Variants in C1orf105 observed in about 807,000 individuals in gnomAD.
C1orf105 encodes the protein uncharacterized protein C1orf105.
In C1orf105, 17 loss-of-function variants were observed where a neutral mutation model predicts 20.8. The ratio of observed to expected loss-of-function variants is 0.82; its 90% CI spans 0.56 to 1.23. C1orf105 has a LOEUF of 1.23. C1orf105 is among the 50% of genes most tolerant of loss of function. The pLI is 0.00. For synonymous variants in C1orf105, 72 were observed against 72.1 expected (o/e 1.00, Z 0.01); for missense variants, 219 against 213.5 (o/e 1.03, Z -0.16).
chr1:172,443,059 A>C (rs1442643013), intron 1 of C1orf105: 2 of 171,718 alleles, frequency 1.2e-5, no homozygotes, highest in Non-Finnish European at 2.8e-5. Flanking sequence ...TAAGTGCCTT[A>C]TGTATCTTCT....
chr1:172,431,333 CAGAT>C (rs2071868145), intron 1 of C1orf105: 1 of 390,890 alleles, frequency 2.6e-6, no homozygotes, highest in Non-Finnish European at 4.5e-6. Flanking sequence ...ACTGTTAATA[CAGAT>C]AAAGTTATAG....
intron 1 of C1orf105, among the ~76,000 whole-genome samples, chr1:172,436,351 G>C (rs1235169417): frequency 6.6e-6 from 1 of 152,158 alleles, no homozygotes; most frequent in Non-Finnish European, 1.5e-5. Context: ...ATACTACAAG[G>C]CTACAGTAAG....
At position 172,441,660 on chromosome 1, in the gene C1orf105, C is replaced by CT. The variant is rs147497247; in HGVS notation, c.22-3410dup. The stretch of plus-strand genomic sequence containing the variant: ...TGCTGCTTCCAGAATGGAACTCTGT[C>CT]TTTAAGTTCTATACTAGTTAGGAGG... On this transcript the variant is annotated intron_variant, in intron 1 of 6. Coordinates refer to ENST00000367727, the MANE Select transcript of C1orf105 (RefSeq NM_139240.4). 478 of 1,312,198 alleles carry CT rather than the reference C, an allele frequency of 3.6e-4. 3 individuals carry two copies. The African/African-American group carries it at 6.5e-3, about 18-fold the overall frequency. 81.3% of individuals were successfully genotyped at this position (1,312,198 alleles called of 1,614,324 possible).
At chr1:172,460,156 A>G (rs1397309692) in intron 4 of C1orf105, among the ~76,000 whole-genome samples, 1 of 152,162 alleles carries the variant, frequency 6.6e-6, no homozygotes, top group East Asian at 1.9e-4. Flanking sequence ...TATACTAAAA[A>G]CTACTAAATT....
chr1:172,450,303 G>A (rs899863019), intron 3 of C1orf105, among the ~76,000 whole-genome samples: 2 of 152,184 alleles, frequency 1.3e-5, no homozygotes, highest in African/African-American at 4.8e-5. Flanking sequence ...CCTGCAGATT[G>A]AAACACAAGT....
chr1:172,467,596 C>T (rs1338085751), intron 6 of C1orf105, among the ~76,000 whole-genome samples: 1 of 152,162 alleles, frequency 6.6e-6, no homozygotes. Context: ...TGTCTGGGTT[C>T]TGGTTCTTAG....
At chr1:172,461,746 G>A (rs1485366105) in intron 4 of C1orf105, among the ~76,000 whole-genome samples, 3 of 152,180 alleles carry the variant, frequency 2.0e-5, no homozygotes, top group African/African-American at 7.2e-5. Context: ...TCATGAAGCT[G>A]AAAGTCTATT....
intron 1 of C1orf105, among the ~76,000 whole-genome samples, chr1:172,435,269 C>G (rs950841742): frequency 1.1e-4 from 16 of 152,148 alleles, no homozygotes; most frequent in African/African-American, 3.9e-4. Flanking sequence ...CATCCTGATA[C>G]CAAAGCCTGG....
At chr1:172,429,249 CACACACAG>C (rs1454030218) in intron 1 of C1orf105, among the ~76,000 whole-genome samples, 49 of 110,070 alleles carry the variant, frequency 4.5e-4, no homozygotes, top group Admixed American at 3.4e-3. Context: ...CACACACACA[CACACACAG>C]ACACACACAC....
At chr1:172,454,491 G>A (rs1424356139) in intron 3 of C1orf105, among the ~76,000 whole-genome samples, 2 of 151,912 alleles carry the variant, frequency 1.3e-5, no homozygotes, top group Non-Finnish European at 2.9e-5. Flanking sequence ...TCAGCCCAAA[G>A]CAGAGGAGTC....
intron 3 of C1orf105, 46 bp from the exon 4 acceptor site, chr1:172,456,369 A>G (rs200710564): frequency 1.0e-4 from 156 of 1,532,088 alleles, no homozygotes; most frequent in African/African-American, 3.9e-4. Context: ...GCTGCCCTAC[A>G]TGCCCCACCA....
intron 3 of C1orf105, among the ~76,000 whole-genome samples, chr1:172,455,153 G>A (rs182103520): frequency 6.6e-6 from 1 of 152,268 alleles, no homozygotes; most frequent in Admixed American, 6.5e-5. Flanking sequence ...AAAATGAAGT[G>A]TATTTTAAAT....
At position 172,461,639 on chromosome 1, in the gene C1orf105, G is replaced by A. The variant is rs540958417; in HGVS notation, c.274-539G>A. The stretch of plus-strand genomic sequence containing the variant: ...TTTAAAATTTCCAGTGTGCTTCAAG[G>A]TGGGTTCATTCATTCACTAATTTGA... On this transcript the variant is annotated intron_variant, in intron 4 of 6. Transcript: ENST00000367727. Among the ~76,000 whole-genome samples the A allele has an allele frequency of 2.6e-5, 4 of 152,276 alleles. No individual in the cohort carries two copies. In the South Asian group the frequency reaches 8.3e-4, roughly 32 times the overall value.
intron 3 of C1orf105, among the ~76,000 whole-genome samples, chr1:172,451,719 T>C (rs1342523345): frequency 6.6e-6 from 1 of 152,144 alleles, no homozygotes; most frequent in Non-Finnish European, 1.5e-5. Context: ...TTTAAGTATA[T>C]TCAGCTTTAT....
chr1:172,436,028 T>C (rs1404213949), intron 1 of C1orf105, among the ~76,000 whole-genome samples: 1 of 152,116 alleles, frequency 6.6e-6, no homozygotes, highest in Non-Finnish European at 1.5e-5. Flanking sequence ...GAATCCAACT[T>C]ACAAAGGATG....
At chr1:172,442,657 T>C in intron 1 of C1orf105, 3 of 1,568,054 alleles carry the variant, frequency 1.9e-6, no homozygotes, top group South Asian at 1.1e-5. Context: ...AGTTTAATCA[T>C]CGCCCTCACA....
In C1orf105 at chr1:172,421,007, C is replaced by A; in HGVS notation, c.21+101C>A. On this transcript the variant is annotated intron_variant, in intron 1 of 6. Coordinates refer to ENST00000367727, the MANE Select transcript of C1orf105 (RefSeq NM_139240.4). Reference sequence around the variant, plus strand: ...GCCACATAAACATTGAGGGGTGTTTCAACAGACATCCTAGAAGTTGAAAGC... The same window carrying A: ...GCCACATAAACATTGAGGGGTGTTTAAACAGACATCCTAGAAGTTGAAAGC... 3.8e-6 allele frequency: 4 copies of A among 1,058,294 alleles called. No individual in the cohort carries two copies. The South Asian group carries it at 4.4e-5, about 12-fold the overall frequency. The allele number at this position is 1,058,294 out of a possible 1,614,324, so 65.6% of individuals were successfully genotyped here. A position where few individuals can be genotyped will look rare whatever the true frequency, so the allele number is the denominator to read the frequency against.
chr1:172,424,473 C>T (rs1261016883), intron 1 of C1orf105, among the ~76,000 whole-genome samples: 2 of 152,210 alleles, frequency 1.3e-5, no homozygotes, highest in East Asian at 1.9e-4. Context: ...TCACTGCCAC[C>T]TCTGCCTCCC....
chr1:172,433,037 T>C lies in C1orf105; in HGVS notation c.22-12036T>C, dbSNP rs777656803. 2.0e-5 allele frequency among the ~76,000 whole-genome samples: 3 copies of C among 152,112 alleles called. No homozygotes were observed. The Middle Eastern group carries it at 0.01, about 517-fold the overall frequency. On this transcript the variant is annotated intron_variant, in intron 1 of 6. Coordinates refer to ENST00000367727, the MANE Select transcript of C1orf105 (RefSeq NM_139240.4). Reference sequence around the variant, plus strand: ...GTATCAGTGATTGAGATCAAATTAATGAAATAAAGCAAGAAGACAAGTTTA... The same window carrying C: ...GTATCAGTGATTGAGATCAAATTAACGAAATAAAGCAAGAAGACAAGTTTA...
Sources: gnomAD v4.1 joint callset for allele counts (sites outside exome capture counted in the v4.1 genomes callset) on GRCh38, gnomAD v4.1.1 for gene constraint, MANE v1.5 for transcripts, NCBI Gene and HGNC (gene_info 2026-07-23, HGNC 2026-07-21) for gene names.